Variants in AGBL2 observed in about 807,000 individuals in gnomAD.
AGBL2 encodes AGBL carboxypeptidase 2.
In AGBL2, 87 loss-of-function variants were observed where a neutral mutation model predicts 103.0. The ratio of observed to expected loss-of-function variants is 0.84; its 90% CI spans 0.71 to 1.01. The LOEUF (loss-of-function observed/expected upper bound fraction) is 1.01, where lower values mean the gene tolerates loss of function less well. AGBL2 is among the 50% of genes least tolerant of loss of function. AGBL2 has a pLI of 0.00. For synonymous variants in AGBL2, 335 were observed against 356.7 expected, an observed-to-expected ratio of 0.94 and a Z score of 0.69; for missense variants, 904 against 1,023.5, an observed-to-expected ratio of 0.88 and a Z score of 1.59.
intron 4 of AGBL2, 64 bp from the exon 5 acceptor site, chr11:47,705,981 C>T (rs1688298252): frequency 2.2e-5 from 29 of 1,326,656 alleles, no homozygotes; most frequent in Non-Finnish European, 3.1e-5. Flanking sequence ...CTTCTGTCTG[C>T]TATCCCCATC....
At chr11:47,668,089 A>G (rs1488805125) in intron 15 of AGBL2, among the ~76,000 whole-genome samples, 1 of 151,700 alleles carries the variant, frequency 6.6e-6, no homozygotes, top group Non-Finnish European at 1.5e-5. Context: ...GGTGCCTGTA[A>G]TCCCAGTTAC....
At chr11:47,666,645 A>G (rs1033211535) in intron 17 of AGBL2, 24 of 544,744 alleles carry the variant, frequency 4.4e-5, no homozygotes, top group African/African-American at 4.1e-4. Context: ...TCATTGATTT[A>G]TTTTAAAATA....
chr11:47,698,207 C>T (rs1193915963), intron 8 of AGBL2, among the ~76,000 whole-genome samples: 11 of 125,314 alleles, frequency 8.8e-5, no homozygotes, highest in African/African-American at 3.3e-4. Flanking sequence ...GAGTTTCACT[C>T]TTGTTGCCCA....
At chr11:47,697,757 A>G (rs2097481606) in intron 8 of AGBL2, among the ~76,000 whole-genome samples, 1 of 151,104 alleles carries the variant, frequency 6.6e-6, no homozygotes, top group Non-Finnish European at 1.5e-5. Flanking sequence ...CGTGTTAGCC[A>G]GGATGGTCTC....
chr11:47,686,552 G>A (rs767714513), intron 10 of AGBL2, among the ~76,000 whole-genome samples: 11 of 150,428 alleles, frequency 7.3e-5, no homozygotes, highest in African/African-American at 2.2e-4. Flanking sequence ...TGGAGGTGGC[G>A]TCTAGCGAGA....
At chr11:47,691,270 A>AAAAC (rs934947224) in intron 9 of AGBL2, among the ~76,000 whole-genome samples, 22 of 151,884 alleles carry the variant, frequency 1.4e-4, no homozygotes, top group Admixed American at 2.6e-4. Context: ...TCTTGAGGAA[A>AAAAC]AAACAAACAA....
At chr11:47,678,932 G>A (rs916207188) in intron 13 of AGBL2, among the ~76,000 whole-genome samples, 8 of 150,776 alleles carry the variant, frequency 5.3e-5, no homozygotes, top group East Asian at 2.0e-4. Flanking sequence ...GGTGGTGCAC[G>A]CCTGTAATCC....
chr11:47,687,971 C>A (rs1411776884), intron 10 of AGBL2, among the ~76,000 whole-genome samples: 1 of 151,832 alleles, frequency 6.6e-6, no homozygotes, highest in Admixed American at 6.6e-5. Flanking sequence ...CCATGCCAGG[C>A]TAATTTTTGT....
At chr11:47,705,385 C>A (rs1419021909) in intron 6 of AGBL2, 136 bp downstream of exon 6, 2 of 163,730 alleles carry the variant, frequency 1.2e-5, no homozygotes, top group South Asian at 3.1e-4. Flanking sequence ...GTGGCTCAAG[C>A]CTGTAATCCC....
chr11:47,699,294 T>C, intron 8 of AGBL2, 152 bp downstream of exon 8: 1 of 462,932 alleles, frequency 2.2e-6, no homozygotes, highest in Non-Finnish European at 3.7e-6. Context: ...AGCAGACTGG[T>C]TATGACTCCT....
At chr11:47,699,024 A>C (rs1199100985) in intron 8 of AGBL2, among the ~76,000 whole-genome samples, 1 of 151,890 alleles carries the variant, frequency 6.6e-6, no homozygotes, top group African/African-American at 2.4e-5. Flanking sequence ...GGTGTTCTGC[A>C]TATTTCTATA....
intron 8 of AGBL2, among the ~76,000 whole-genome samples, chr11:47,695,238 G>A (rs1446944842): frequency 6.6e-6 from 1 of 152,132 alleles, no homozygotes; most frequent in Non-Finnish European, 1.5e-5. Flanking sequence ...ACTTTGGGAG[G>A]CTGAGGTGGG....
chr11:47,664,312 T>G (rs1397759425), intron 17 of AGBL2, among the ~76,000 whole-genome samples: 2 of 151,990 alleles, frequency 1.3e-5, no homozygotes, highest in Non-Finnish European at 2.9e-5. Context: ...AGTGGCAGGA[T>G]CACAGCTCAC....
At chr11:47,695,836 A>G (rs1257537330) in intron 8 of AGBL2, among the ~76,000 whole-genome samples, 2 of 151,534 alleles carry the variant, frequency 1.3e-5, no homozygotes, top group Non-Finnish European at 2.9e-5. Flanking sequence ...TTGGTGAAAT[A>G]TTGGTATTAT....
At chr11:47,673,106 C>T (rs2097362265) in intron 14 of AGBL2, among the ~76,000 whole-genome samples, 1 of 152,148 alleles carries the variant, frequency 6.6e-6, no homozygotes, top group Non-Finnish European at 1.5e-5. Flanking sequence ...CAGAACAGTA[C>T]CATTCTAAGT....
At chr11:47,668,343 A>T (rs1488321134) in intron 15 of AGBL2, among the ~76,000 whole-genome samples, 3 of 140,090 alleles carry the variant, frequency 2.1e-5, no homozygotes, top group African/African-American at 5.3e-5. Flanking sequence ...CTAAAAATAC[A>T]AAAATTAGCC....
At chr11:47,700,482 G>A (rs554533175) in intron 7 of AGBL2, among the ~76,000 whole-genome samples, 148 of 152,194 alleles carry the variant, frequency 9.7e-4, no homozygotes, top group African/African-American at 3.1e-3. Context: ...GGGAGGCTGA[G>A]GTAGGAGAAT....
Position 47,705,937 on chromosome 11 carries a change from G to A in AGBL2, c.233-20C>T, listed in dbSNP as rs1349476905. 1 of 1,610,330 alleles carries A rather than the reference G, an allele frequency of 6.2e-7. No homozygotes were observed. The highest frequency in any genetic ancestry group is 2.2e-5 in the East Asian group (1 of 44,848). On this transcript the variant is annotated intron_variant, in intron 4 of 18. Coordinates refer to ENST00000525123, the MANE Select transcript of AGBL2 (RefSeq NM_024783.4). The stretch of plus-strand genomic sequence containing the variant: ...TAGGCCCTAGAAAGAGGAAGAGGAG[G>A]CACCCTTGGTGTCAGGGATCGTTGT...
chr11:47,662,975 T>G (rs767347724), intron 18 of AGBL2, 51 bp downstream of exon 18: 1 of 1,383,590 alleles, frequency 7.2e-7, no homozygotes, highest in Non-Finnish European at 1.0e-6. Flanking sequence ...TGAGAACTAA[T>G]TAAAATTAAT....
Sources: gnomAD v4.1 joint callset for allele counts (sites outside exome capture counted in the v4.1 genomes callset) on GRCh38, gnomAD v4.1.1 for gene constraint, MANE v1.5 for transcripts, NCBI Gene and HGNC (gene_info 2026-07-23, HGNC 2026-07-21) for gene names.